Variants in GXYLT1 observed in about 807,000 individuals in gnomAD.
GXYLT1 encodes the protein glucoside xylosyltransferase 1, also known as glycosyltransferase 8 domain containing 3.
A neutral mutation model predicts 54.0 loss-of-function variants in GXYLT1; 29 were observed. The observed-to-expected ratio is 0.54, with a 90% CI of 0.40 to 0.73. The LOEUF is 0.73. Among genes scored for constraint, GXYLT1 ranks in the 30% least tolerant of loss-of-function variants. The pLI is 0.00. For missense variants in GXYLT1, 490 were observed against 553.4 expected (o/e 0.89, Z 1.15); for synonymous variants, 176 against 204.1 (o/e 0.86, Z 1.17).
chr12:42,105,689 T>G, intron 5 of GXYLT1, 129 bp downstream of exon 5: 1 of 633,796 alleles, frequency 1.6e-6, no homozygotes, highest in Non-Finnish European at 2.6e-6. Context: ...TATATTCTTC[T>G]AATGAGATTA....
intron 1 of GXYLT1, among the ~76,000 whole-genome samples, chr12:42,133,035 C>T (rs536918970): frequency 1.4e-3 from 210 of 152,226 alleles, no homozygotes; most frequent in African/African-American, 4.1e-3. Flanking sequence ...CTAATCCCAG[C>T]ACTTTGGGAG....
intron 4 of GXYLT1, among the ~76,000 whole-genome samples, chr12:42,108,321 CTTA>C (rs1592109743): frequency 6.6e-6 from 1 of 152,156 alleles, no homozygotes; most frequent in Admixed American, 6.5e-5. Context: ...TCTTTCATCT[CTTA>C]TTGTTTTTTC....
chr12:42,130,575 C>CA (rs1015811299), intron 1 of GXYLT1, among the ~76,000 whole-genome samples: 1 of 152,042 alleles, frequency 6.6e-6, no homozygotes, highest in Non-Finnish European at 1.5e-5. Flanking sequence ...AGAGATTCCT[C>CA]AAAAAACTGA....
rs1189411464 is a variant in GXYLT1, at chr12:42,086,964, T to C, written c.*822A>G. On this transcript the variant is annotated 3_prime_UTR_variant, in exon 8 of 8. Transcript: ENST00000398675. ...TTCTCACTTTACCATCAGCATAATA[T>C]ATTTTGCTTCCAGAATGCCCAGTAA... The C allele has an allele frequency of 6.6e-6, 1 of 152,134 alleles. No homozygotes were observed. Among genetic ancestry groups the C allele is most frequent in the Non-Finnish European group, 1.5e-5 (1 of 68,010 alleles). 9.4% of individuals were successfully genotyped at this position (152,134 alleles called of 1,614,324 possible). A position where few individuals can be genotyped will look rare whatever the true frequency, so the allele number is the denominator to read the frequency against.
chr12:42,098,619 G>A (rs1418066781), intron 5 of GXYLT1, among the ~76,000 whole-genome samples: 1 of 151,534 alleles, frequency 6.6e-6, no homozygotes. Context: ...AACAAAGAAG[G>A]AGAAATGTAT....
chr12:42,099,953 TGA>T (rs1229845328), intron 5 of GXYLT1, among the ~76,000 whole-genome samples: 1 of 152,188 alleles, frequency 6.6e-6, no homozygotes, highest in African/African-American at 2.4e-5. Context: ...CCTTTTGAAA[TGA>T]GATAAAAATA....
chr12:42,092,870 T>A (rs759043611), intron 7 of GXYLT1, among the ~76,000 whole-genome samples: 1 of 151,302 alleles, frequency 6.6e-6, no homozygotes, highest in African/African-American at 2.4e-5. Flanking sequence ...AAAAAAAAAA[T>A]CACAAAATAA....
chr12:42,134,358 G>T (rs1164256753), intron 1 of GXYLT1, among the ~76,000 whole-genome samples: 4 of 152,110 alleles, frequency 2.6e-5, no homozygotes, highest in Non-Finnish European at 5.9e-5. Context: ...GTCGCTCAGG[G>T]TGGAGTGCAG....
intron 5 of GXYLT1, among the ~76,000 whole-genome samples, chr12:42,105,147 A>G (rs770357988): frequency 2.0e-4 from 31 of 152,226 alleles, no homozygotes; most frequent in Non-Finnish European, 3.1e-4. Context: ...AGTGACTTGC[A>G]ACTTAGATAT....
chr12:42,128,884 C>A (rs992747638), intron 2 of GXYLT1, among the ~76,000 whole-genome samples: 1 of 151,998 alleles, frequency 6.6e-6, no homozygotes, highest in Non-Finnish European at 1.5e-5. Context: ...TTTTGTTGCC[C>A]AGGCTGGTCT....
chr12:42,102,891 T>C (rs1323011379), intron 5 of GXYLT1, among the ~76,000 whole-genome samples: 2 of 151,938 alleles, frequency 1.3e-5, no homozygotes, highest in African/African-American at 4.8e-5. Context: ...TTGTATTTAA[T>C]ATTTAATTTA....
chr12:42,089,215 C>T (rs2065315000), intron 7 of GXYLT1, among the ~76,000 whole-genome samples: 1 of 151,700 alleles, frequency 6.6e-6, no homozygotes, highest in African/African-American at 2.4e-5. Context: ...GTGCTTGCTA[C>T]CTACATGCCA....
chr12:42,099,733 CCAG>C (rs2065378730), intron 5 of GXYLT1, among the ~76,000 whole-genome samples: 2 of 152,202 alleles, frequency 1.3e-5, no homozygotes, highest in South Asian at 4.1e-4. Flanking sequence ...GCCTGTGGTC[CCAG>C]CTACTTGGAA....
intron 3 of GXYLT1, among the ~76,000 whole-genome samples, chr12:42,116,834 T>G (rs1320268655): frequency 6.6e-6 from 1 of 152,198 alleles, no homozygotes; most frequent in African/African-American, 2.4e-5. Context: ...CACATGTATG[T>G]TTATTGTGGC....
At chr12:42,125,156 A>T (rs1267087182) in intron 2 of GXYLT1, among the ~76,000 whole-genome samples, 2 of 152,204 alleles carry the variant, frequency 1.3e-5, no homozygotes, top group Non-Finnish European at 2.9e-5. Flanking sequence ...ACAACGGTTA[A>T]GGGAGAAGGA....
intron 4 of GXYLT1, among the ~76,000 whole-genome samples, chr12:42,107,981 C>T (rs1297332762): frequency 6.6e-6 from 1 of 152,088 alleles, no homozygotes; most frequent in Non-Finnish European, 1.5e-5. Context: ...TACATTAGTT[C>T]TTTTCATGCA....
chr12:42,108,746 T>C (rs2065435097), intron 4 of GXYLT1, among the ~76,000 whole-genome samples: 1 of 152,148 alleles, frequency 6.6e-6, no homozygotes, highest in Admixed American at 6.5e-5. Flanking sequence ...CTTAATAAGC[T>C]AGGAATTCCC....
rs1305139589 is a variant in GXYLT1, at chr12:42,098,014, C to T, written c.884G>A (p.Arg295Gln). ...CATAAGTATATCTCCCCATTGTAGT[C>T]GTACAGTTGTCATATCATTCTGTTG... ...KYFKNDMTTVRLQWGDILMPL... is the reference protein window; with the variant it reads ...KYFKNDMTTVQLQWGDILMPL... Residue 295 changes from arginine (R) to glutamine (Q), a missense_variant, in exon 6 of 8, where the codon CGA (arginine) becomes CAA (glutamine). By Grantham distance (43) the Arg-to-Gln change is conservative. Coordinates refer to ENST00000398675, the MANE Select transcript of GXYLT1 (RefSeq NM_173601.2). 2 of 1,608,402 alleles carry T rather than the reference C, an allele frequency of 1.2e-6. No homozygotes were observed. Among genetic ancestry groups the T allele is most frequent in the African/African-American group, 1.3e-5 (1 of 74,666 alleles).
At chr12:42,098,313 G>T (rs1006191189) in intron 5 of GXYLT1, among the ~76,000 whole-genome samples, 3 of 152,072 alleles carry the variant, frequency 2.0e-5, no homozygotes, top group Non-Finnish European at 4.4e-5. Context: ...AGATAGTTTT[G>T]GTACCTACGT....
Sources: allele counts gnomAD v4.1 joint callset (sites outside exome capture counted in the v4.1 genomes callset), GRCh38; gene constraint gnomAD v4.1.1; transcripts MANE v1.5; gene names NCBI Gene and HGNC (gene_info 2026-07-23, HGNC 2026-07-21).